Variants in JAZF1 observed in about 807,000 individuals in gnomAD.
JAZF1 encodes JAZF zinc finger 1, also known as juxtaposed with another zinc finger protein 1.
In JAZF1, 8 loss-of-function variants were observed where a neutral mutation model predicts 26.4. The observed-to-expected ratio is 0.30, with a 90% CI of 0.18 to 0.55. The LOEUF is 0.55. Ranked by LOEUF, JAZF1 falls within the 20% of genes least tolerant of loss-of-function variation. JAZF1 has a pLI of 0.94. For synonymous variants in JAZF1, 126 were observed against 122.3 expected (o/e 1.03, Z -0.20); for missense variants, 199 against 322.0 (o/e 0.62, Z 2.92).
At chr7:27,866,579 G>C (rs1395432244) in intron 3 of JAZF1, among the ~76,000 whole-genome samples, 1 of 152,212 alleles carries the variant, frequency 6.6e-6, no homozygotes, top group Admixed American at 6.5e-5. Context: ...CACTATATTA[G>C]TGTTGGTTGC....
intron 1 of JAZF1, among the ~76,000 whole-genome samples, chr7:28,024,386 A>G (rs1319990003): frequency 6.6e-6 from 1 of 152,162 alleles, no homozygotes; most frequent in Admixed American, 6.5e-5. Context: ...ATGGTGAAAG[A>G]GTGGAAAAAA....
intron 3 of JAZF1, among the ~76,000 whole-genome samples, chr7:27,853,242 T>C (rs1367542597): frequency 6.6e-6 from 1 of 152,236 alleles, no homozygotes; most frequent in Non-Finnish European, 1.5e-5. Flanking sequence ...AAGAATTTCA[T>C]TATATTACAG....
chr7:28,112,634 C>T (rs966603414), intron 1 of JAZF1, among the ~76,000 whole-genome samples: 8 of 152,122 alleles, frequency 5.3e-5, no homozygotes, highest in African/African-American at 1.9e-4. Context: ...AACTTGATTA[C>T]TGTCAGCTTG....
intron 1 of JAZF1, among the ~76,000 whole-genome samples, chr7:28,008,185 G>T (rs1410724789): frequency 6.6e-6 from 1 of 152,042 alleles, no homozygotes; most frequent in Non-Finnish European, 1.5e-5. Flanking sequence ...AGCTTTAAGT[G>T]AGAATCATAC....
At position 28,108,199 on chromosome 7, in the gene JAZF1, G is replaced by T. The variant is rs907955681; in HGVS notation, c.115+72264C>A. On this transcript the variant is annotated intron_variant, in intron 1 of 4. Coordinates refer to ENST00000283928, the MANE Select transcript of JAZF1 (RefSeq NM_175061.4). ...CTCAGCCCTTGCTCTGCCAGGCACT[G>T]GACTTGGCATTACATTTTCCTAGTC... is the stretch of plus-strand genomic sequence containing the variant. 3.9e-5 allele frequency among the ~76,000 whole-genome samples: 6 copies of T among 152,196 alleles called. No individual in the cohort carries two copies. In the South Asian group the frequency reaches 1.2e-3, roughly 32 times the overall value.
At chr7:28,060,321 T>C (rs1167565177) in intron 1 of JAZF1, among the ~76,000 whole-genome samples, 1 of 152,232 alleles carries the variant, frequency 6.6e-6, no homozygotes, top group East Asian at 1.9e-4. Flanking sequence ...TCTTTGCAGG[T>C]TGATTCTGCT....
chr7:27,895,058 A>C (rs1047578849), intron 3 of JAZF1, among the ~76,000 whole-genome samples, 162 bp downstream of exon 3: 5 of 152,188 alleles, frequency 3.3e-5, no homozygotes, highest in African/African-American at 1.2e-4. Flanking sequence ...CTTCAATAAT[A>C]AATTAAAGAA....
chr7:27,843,177 G>C (rs187827185), intron 3 of JAZF1: 96 of 152,342 alleles, frequency 6.3e-4, no homozygotes, highest in African/African-American at 2.2e-3. Context: ...CACACCACTC[G>C]GCAGCAGCTT....
chr7:28,127,669 C>A, intron 1 of JAZF1, among the ~76,000 whole-genome samples: 1 of 152,150 alleles, frequency 6.6e-6, no homozygotes, highest in East Asian at 1.9e-4. Flanking sequence ...ATCCCCAAGA[C>A]TGGGTAATTT....
chr7:28,100,440 T>G (rs1433709648), intron 1 of JAZF1, among the ~76,000 whole-genome samples: 1 of 151,918 alleles, frequency 6.6e-6, no homozygotes, highest in African/African-American at 2.4e-5. Flanking sequence ...TATATAATAA[T>G]AACAAGATAT....
chr7:27,870,722 T>G (rs1238435623), intron 3 of JAZF1, among the ~76,000 whole-genome samples: 1 of 152,062 alleles, frequency 6.6e-6, no homozygotes, highest in South Asian at 2.1e-4. Flanking sequence ...GTCCTGCTAG[T>G]GGCTGCCCAG....
At chr7:27,880,563 A>G (rs796302562) in intron 3 of JAZF1, among the ~76,000 whole-genome samples, 18 of 151,904 alleles carry the variant, frequency 1.2e-4, no homozygotes, top group African/African-American at 4.3e-4. Flanking sequence ...AACCCGAGAG[A>G]CAGAGGTTGC....
intron 1 of JAZF1, among the ~76,000 whole-genome samples, chr7:28,142,944 T>C (rs754287475): frequency 2.6e-5 from 4 of 152,170 alleles, no homozygotes; most frequent in Admixed American, 1.3e-4. Flanking sequence ...ATAGAAAGTA[T>C]GGGCATTGTG....
intron 2 of JAZF1, among the ~76,000 whole-genome samples, chr7:27,958,981 T>C (rs1386802241): frequency 6.6e-6 from 1 of 152,194 alleles, no homozygotes; most frequent in African/African-American, 2.4e-5. Flanking sequence ...AGATTAGCAA[T>C]GGCAGTGGTG....
chr7:27,844,721 A>T (rs545177495), intron 3 of JAZF1, among the ~76,000 whole-genome samples: 1 of 152,258 alleles, frequency 6.6e-6, no homozygotes, highest in African/African-American at 2.4e-5. Flanking sequence ...ATAAGTAGGT[A>T]CAAAGAATTA....
intron 1 of JAZF1, among the ~76,000 whole-genome samples, chr7:28,062,722 C>A (rs1487809654): frequency 6.6e-6 from 1 of 152,182 alleles, no homozygotes; most frequent in Non-Finnish European, 1.5e-5. Context: ...TCCTTCCTTG[C>A]GTATTTTTCT....
intron 3 of JAZF1, among the ~76,000 whole-genome samples, chr7:27,867,580 A>G (rs1783496628): frequency 1.3e-5 from 2 of 152,258 alleles, no homozygotes; most frequent in Admixed American, 1.3e-4. Context: ...TATTGCATGT[A>G]CCAGGCAGGC....
intron 1 of JAZF1, among the ~76,000 whole-genome samples, chr7:28,110,226 G>C (rs1379158759): frequency 1.3e-5 from 2 of 151,976 alleles, no homozygotes; most frequent in Non-Finnish European, 2.9e-5. Context: ...AGGAGTTCGA[G>C]ACCAGCCTGG....
At chr7:27,861,555 T>G (rs1294521477) in intron 3 of JAZF1, among the ~76,000 whole-genome samples, 1 of 151,310 alleles carries the variant, frequency 6.6e-6, no homozygotes, top group African/African-American at 2.4e-5. Context: ...TTTATTCTTT[T>G]TTTTTTCATG....
Sources: allele counts gnomAD v4.1 joint callset (sites outside exome capture counted in the v4.1 genomes callset), GRCh38; gene constraint gnomAD v4.1.1; transcripts MANE v1.5; gene names NCBI Gene and HGNC (gene_info 2026-07-23, HGNC 2026-07-21).